MGAT4C: variants seen among roughly 807,000 people sequenced by gnomAD.
MGAT4C encodes alpha-1,3-mannosyl-glycoprotein 4-beta-N-acetylglucosaminyltransferase C.
MGAT4C carries 19 observed loss-of-function variants against 40.1 expected under a neutral mutation model. The ratio of observed to expected loss-of-function variants is 0.47; its 90% confidence interval spans 0.33 to 0.70. The LOEUF is 0.70. Among genes scored for constraint, MGAT4C ranks in the 30% least tolerant of loss-of-function variants. The probability of loss-of-function intolerance (pLI) is 0.02; values close to 1 mark genes in which losing one functional copy is unlikely to be tolerated. For synonymous variants in MGAT4C, 181 were observed against 187.1 expected (o/e 0.97, Z 0.27); for missense variants, 491 against 563.2 (o/e 0.87, Z 1.30).
intron 2 of MGAT4C, among the ~76,000 whole-genome samples, chr12:86,575,690 A>G (rs1387353888): frequency 1.3e-5 from 2 of 151,848 alleles, no homozygotes; most frequent in African/African-American, 2.4e-5. Context: ...TATCTCATTG[A>G]TATGCTGATT....
chr12:86,418,366 G>A (rs117948348), intron 3 of MGAT4C, among the ~76,000 whole-genome samples: 2 of 152,200 alleles, frequency 1.3e-5, no homozygotes, highest in Non-Finnish European at 2.9e-5. Flanking sequence ...ACTTTGGGAG[G>A]CCGAGATGTG....
At chr12:86,721,813 G>C (rs1011253809) in intron 2 of MGAT4C, among the ~76,000 whole-genome samples, 3 of 152,064 alleles carry the variant, frequency 2.0e-5, no homozygotes, top group Non-Finnish European at 2.9e-5. Flanking sequence ...GTCCCTGATT[G>C]TTTAAGTCTA....
intron 2 of MGAT4C, among the ~76,000 whole-genome samples, chr12:86,003,300 T>C (rs1343105213): frequency 1.3e-5 from 2 of 152,192 alleles, no homozygotes; most frequent in Non-Finnish European, 2.9e-5. Flanking sequence ...ACATTCAGTA[T>C]AATATGAATA....
intron 2 of MGAT4C, among the ~76,000 whole-genome samples, chr12:86,650,255 A>G (rs925696152): frequency 1.3e-5 from 2 of 151,926 alleles, no homozygotes; most frequent in African/African-American, 4.8e-5. Context: ...GAGCATGTTA[A>G]TACTCATAAT....
chr12:86,634,311 G>A (rs1288239884), intron 2 of MGAT4C, among the ~76,000 whole-genome samples: 1 of 152,094 alleles, frequency 6.6e-6, no homozygotes, highest in Non-Finnish European at 1.5e-5. Flanking sequence ...ACTTCATGAG[G>A]TTATTTAATC....
chr12:86,640,235 G>T (rs1414237805), intron 2 of MGAT4C, among the ~76,000 whole-genome samples: 2 of 151,762 alleles, frequency 1.3e-5, no homozygotes, highest in African/African-American at 2.4e-5. Flanking sequence ...TAGGAGGACT[G>T]TTTTGAATAA....
At chr12:86,449,362 C>T (rs1343964421) in intron 2 of MGAT4C, among the ~76,000 whole-genome samples, 1 of 152,118 alleles carries the variant, frequency 6.6e-6, no homozygotes, top group African/African-American at 2.4e-5. Flanking sequence ...CTGCAATTTA[C>T]TAAAGGTATG....
chr12:86,295,230 T>G (rs1592660110), intron 4 of MGAT4C, among the ~76,000 whole-genome samples: 1 of 152,322 alleles, frequency 6.6e-6, no homozygotes, highest in South Asian at 2.1e-4. Flanking sequence ...TGTTCTAGCC[T>G]TAGTATTCTC....
intron 2 of MGAT4C, among the ~76,000 whole-genome samples, chr12:86,636,442 T>C (rs1024365425): frequency 1.4e-4 from 21 of 152,036 alleles, no homozygotes; most frequent in African/African-American, 5.1e-4. Flanking sequence ...TCTACCTATA[T>C]GTTAGTATTT....
chr12:86,356,482 T>C (rs1188079600), intron 3 of MGAT4C, among the ~76,000 whole-genome samples: 1 of 152,124 alleles, frequency 6.6e-6, no homozygotes, highest in Non-Finnish European at 1.5e-5. Flanking sequence ...TGTTGGACAC[T>C]GGGTGCAGCG....
chr12:86,408,479 C>CTGTGTATATATATATATATA (rs1267344319), intron 3 of MGAT4C, among the ~76,000 whole-genome samples: 1 of 63,368 alleles, frequency 1.6e-5, no homozygotes, highest in African/African-American at 7.8e-5. Flanking sequence ...CTCTCTCTCT[C>CTGTGTATATATATATATATA]TATATATATA....
intron 2 of MGAT4C, among the ~76,000 whole-genome samples, chr12:86,594,163 C>T (rs145462257): frequency 4.1e-3 from 622 of 152,262 alleles, no homozygotes; most frequent in Non-Finnish European, 6.4e-3. Flanking sequence ...TCACCAGGAA[C>T]TCAGCTTCAG....
chr12:86,064,495 A>G (rs373314505), intron 1 of MGAT4C, among the ~76,000 whole-genome samples: 8 of 152,238 alleles, frequency 5.3e-5, no homozygotes, highest in African/African-American at 1.7e-4. Context: ...AGACAGAAAT[A>G]AAGATGTTCT....
At position 86,306,035 on chromosome 12, in the gene MGAT4C, A is replaced by G. The variant is rs535279288; in HGVS notation, c.-57+28030T>C. 5.3e-5 allele frequency among the ~76,000 whole-genome samples: 8 copies of G among 150,758 alleles called. No homozygotes were observed. In the South Asian group the frequency reaches 1.7e-3, roughly 31 times the overall value. ...CCTCTATCGAGGAAGATGGAAAGAT[A>G]CATATTGCAAGAAAGGTTGAATTCA... On this transcript the variant is annotated intron_variant, in intron 4 of 7. Transcript: ENST00000548651.
At chr12:86,686,971 T>TTG (rs1565925606) in intron 2 of MGAT4C, among the ~76,000 whole-genome samples, 1 of 152,016 alleles carries the variant, frequency 6.6e-6, no homozygotes, top group Non-Finnish European at 1.5e-5. Context: ...TCCTGGGCTT[T>TTG]TTGTTGTTGT....
rs140996909 is a variant in MGAT4C at position 86,360,846 on chromosome 12, C to CAAATGGA, written c.-119-26726_-119-26720dup. Among the ~76,000 whole-genome samples the CAAATGGA allele has an allele frequency of 0.02, 3,042 of 152,198 alleles. 216 individuals carry two copies. In the East Asian group the frequency reaches 0.24, roughly 12 times the overall value. Reference sequence around the variant, plus strand: ...TCAACGAAATAAAAGAGGATACAAACAAATGGACGAACGTTCCATGCTCAT... The same window carrying CAAATGGA: ...TCAACGAAATAAAAGAGGATACAAACAAATGGAAAATGGACGAACGTTCCATGCTCAT... On this transcript the variant is annotated intron_variant, in intron 3 of 7. Coordinates refer to the MGAT4C transcript ENST00000548651.
intron 2 of MGAT4C, among the ~76,000 whole-genome samples, chr12:86,700,134 T>G: frequency 8.3e-6 from 1 of 120,562 alleles, no homozygotes; most frequent in Admixed American, 9.1e-5. Flanking sequence ...ATAATGTAGA[T>G]AGATAGACAG....
At chr12:86,744,882 T>C (rs1442174647) in intron 1 of MGAT4C, among the ~76,000 whole-genome samples, 1 of 151,466 alleles carries the variant, frequency 6.6e-6, no homozygotes, top group African/African-American at 2.4e-5. Flanking sequence ...AACCCGACAA[T>C]TAAAAAAATT....
At chr12:86,208,419 A>G (rs932173121) in intron 1 of MGAT4C, among the ~76,000 whole-genome samples, 79 of 152,188 alleles carry the variant, frequency 5.2e-4, no homozygotes, top group African/African-American at 1.9e-3. Context: ...GTGAGCTGAG[A>G]TGGCACCACT....
Sources: gnomAD v4.1 joint callset for allele counts (sites outside exome capture counted in the v4.1 genomes callset) on GRCh38, gnomAD v4.1.1 for gene constraint, MANE v1.5 for transcripts, NCBI Gene and HGNC (gene_info 2026-07-23, HGNC 2026-07-21) for gene names.